Variants in TBCD observed in about 807,000 individuals in gnomAD.
TBCD encodes the protein tubulin-specific chaperone D.
Under a neutral mutation model 169.3 loss-of-function variants are expected in TBCD, and 105 were observed. The observed-to-expected ratio is 0.62, with a 90% CI of 0.53 to 0.73. The LOEUF (loss-of-function observed/expected upper bound fraction) is 0.73. Among genes scored for constraint, TBCD ranks in the 30% least tolerant of loss-of-function variants. The pLI, the probability that TBCD is intolerant of heterozygous loss-of-function variation, is 0.00. For synonymous variants in TBCD, 700 were observed against 643.9 expected, an observed-to-expected ratio of 1.09 and a Z score of -1.32; for missense variants, 1,444 against 1,600.1, an observed-to-expected ratio of 0.90 and a Z score of 1.66.
chr17:82,927,451 G>T lies in TBCD; in HGVS notation c.2609+128G>T, dbSNP rs2147267309. The T allele has an allele frequency of 3.8e-6, 5 of 1,326,044 alleles. No homozygotes were observed. In the East Asian group the frequency reaches 1.3e-4, roughly 33 times the overall value. The allele number at this position is 1,326,044 out of a possible 1,614,324, so 82.1% of individuals were successfully genotyped here. ...TTGTGCCGTGTTTTGCGTTTTAAAG[G>T]CTCTGGGGAAGATGACCTGTTCTCT... On this transcript the variant is annotated intron_variant, in intron 29 of 38. Coordinates refer to ENST00000355528, the MANE Select transcript of TBCD (RefSeq NM_005993.5).
rs1409975244 is a variant in TBCD, at chr17:82,915,775, G to A, written c.2038+3986G>A. On this transcript the variant is annotated intron_variant, in intron 23 of 38. Coordinates refer to ENST00000355528, the MANE Select transcript of TBCD (RefSeq NM_005993.5). This position sits in a 1 kb window ranked among gnomAD's most constrained non-coding sequence, Gnocchi z 4.3. ...TCAGGAAAAGTTCTCCTCTCATGCC[G>A]AAGACGGGAGGGAAACCAGAGGGAC... Among the ~76,000 whole-genome samples the A allele has an allele frequency of 3.9e-5, 6 of 152,168 alleles. No individual in the cohort carries two copies. Among genetic ancestry groups the A allele is most frequent in the African/African-American group, 1.4e-4 (6 of 41,438 alleles).
At chr17:82,939,914 C>T (rs1010354964) in intron 37 of TBCD, among the ~76,000 whole-genome samples, 1 of 152,232 alleles carries the variant, frequency 6.6e-6, no homozygotes, top group African/African-American at 2.4e-5. Flanking sequence ...GCTCTGATGT[C>T]CACCCCCTTC....
chr17:82,788,783 C>T (rs990296684), intron 7 of TBCD, among the ~76,000 whole-genome samples: 6 of 152,108 alleles, frequency 3.9e-5, no homozygotes, highest in Non-Finnish European at 7.3e-5. Context: ...TGTGCCCAGG[C>T]CCTTTGCTGA....
chr17:82,911,428 G>T (rs1018031350), intron 22 of TBCD, among the ~76,000 whole-genome samples: 115 of 151,960 alleles, frequency 7.6e-4, no homozygotes, highest in African/African-American at 2.6e-3. Flanking sequence ...CTGGATAGGG[G>T]GCTCTTTCTG....
At chr17:82,906,144 A>C in intron 20 of TBCD, 91 bp downstream of exon 20, 4 of 988,878 alleles carry the variant, frequency 4.0e-6, no homozygotes, top group African/African-American at 1.6e-5. Flanking sequence ...AGACTCTCTC[A>C]TCCCTTCTCA....
intron 9 of TBCD, among the ~76,000 whole-genome samples, chr17:82,804,190 C>T (rs908347043): frequency 6.0e-5 from 9 of 150,674 alleles, no homozygotes; most frequent in African/African-American, 1.7e-4. Context: ...TGTGCCTGCT[C>T]GTGGGGCATT....
In TBCD at chr17:82,920,646, ATT is replaced by A; in HGVS notation, c.2101+31_2101+32del. 1 of 1,517,170 alleles carries A rather than the reference ATT, an allele frequency of 6.6e-7. No homozygotes were observed. The highest frequency in any genetic ancestry group is 8.9e-7 in the Non-Finnish European group (1 of 1,124,958). 94.0% of individuals were successfully genotyped at this position (1,517,170 alleles called of 1,614,324 possible). ...AAGTGCTTTTGTTTTTAATAATAGC[ATT>A]TTCTTACAGAATGACTTCAGATTAA... On this transcript the variant is annotated intron_variant, in intron 24 of 38. Transcript: ENST00000355528. This position sits in a 1 kb window ranked among gnomAD's most constrained non-coding sequence, Gnocchi z 4.1.
intron 13 of TBCD, among the ~76,000 whole-genome samples, chr17:82,850,316 C>CGTTGGCTGTGCTGT (rs1567888557): frequency 1.2e-5 from 1 of 80,044 alleles, no homozygotes; most frequent in Admixed American, 1.5e-4. Context: ...TGCTCTTCTG[C>CGTTGGCTGTGCTGT]TGTTGGCTGT....
intron 25 of TBCD, 104 bp downstream of exon 25, chr17:82,921,681 C>CT: frequency 9.7e-7 from 1 of 1,026,150 alleles, no homozygotes; most frequent in Non-Finnish European, 1.5e-6. Context: ...GCTGTCCCTG[C>CT]AGTAGCCTGA....
In TBCD at chr17:82,831,200, C is replaced by G. The variant is rs765397272; in HGVS notation, c.1318+16266C>G. The stretch of plus-strand genomic sequence containing the variant: ...CAGGTCTGGCTCGTCTGCATGAAGT[C>G]GGTGGGGCTCGGCCTCCCTGGGGAG... On this transcript the variant is annotated intron_variant, in intron 13 of 38. Coordinates refer to ENST00000355528, the MANE Select transcript of TBCD (RefSeq NM_005993.5). This position sits in a 1 kb window ranked among gnomAD's most constrained non-coding sequence, Gnocchi z 4.6. 1.2e-6 allele frequency: 2 copies of G among 1,614,074 alleles called. No homozygotes were observed. Among genetic ancestry groups the G allele is most frequent in the Non-Finnish European group, 1.7e-6 (2 of 1,180,032 alleles).
intron 1 of TBCD, among the ~76,000 whole-genome samples, chr17:82,754,149 C>G (rs1410333995): frequency 6.6e-6 from 1 of 152,082 alleles, no homozygotes; most frequent in Non-Finnish European, 1.5e-5. Context: ...TGAGCCACCA[C>G]GCCCGGCTGG....
intron 21 of TBCD, chr17:82,908,412 T>C (rs1463003872): frequency 2.2e-6 from 1 of 456,586 alleles, no homozygotes. Flanking sequence ...CTTTGAGAGA[T>C]TCTCAAAGGC....
chr17:82,853,183 G>A (rs1187833006), intron 13 of TBCD, among the ~76,000 whole-genome samples: 1 of 150,608 alleles, frequency 6.6e-6, no homozygotes, highest in Non-Finnish European at 1.5e-5. Context: ...GGGCGCAAGT[G>A]ATCCTCTGAC....
At chr17:82,873,064 C>T (rs1436306574) in intron 14 of TBCD, among the ~76,000 whole-genome samples, 2 of 152,386 alleles carry the variant, frequency 1.3e-5, no homozygotes, top group African/African-American at 2.4e-5. Flanking sequence ...AGCGCTGCCT[C>T]GTGGCTGAGA....
chr17:82,786,519 C>T (rs1000329404), intron 7 of TBCD, among the ~76,000 whole-genome samples: 1 of 152,204 alleles, frequency 6.6e-6, no homozygotes, highest in African/African-American at 2.4e-5. Flanking sequence ...CTGGGAGCCT[C>T]CCCTCCTCTG....
Position 82,842,499 on chromosome 17 carries a change from G to A in TBCD, c.1318+27565G>A, listed in dbSNP as rs190436059. Among the ~76,000 whole-genome samples the A allele has an allele frequency of 2.0e-4, 31 of 152,172 alleles. No homozygotes were observed. The East Asian group carries it at 4.6e-3, about 23-fold the overall frequency. On this transcript the variant is annotated intron_variant, in intron 13 of 38. Transcript: ENST00000355528. ...TTCTGCCCCCATGTCTGCCTTCCCCGTCACCCAGGGGGTTTTGCCTGCCTC... is the reference window on the plus strand; with the variant it reads ...TTCTGCCCCCATGTCTGCCTTCCCCATCACCCAGGGGGTTTTGCCTGCCTC...
chr17:82,872,451 C>T (rs148291804), intron 14 of TBCD, among the ~76,000 whole-genome samples: 52 of 152,276 alleles, frequency 3.4e-4, no homozygotes, highest in Admixed American at 8.5e-4. Flanking sequence ...GCAGAGAAGA[C>T]GGAGAGGTCC....
At chr17:82,843,380 A>G (rs544041647) in intron 13 of TBCD, among the ~76,000 whole-genome samples, 23 of 106,862 alleles carry the variant, frequency 2.2e-4, no homozygotes, top group African/African-American at 8.9e-4. Context: ...CAGCTTACTT[A>G]TCATTCCCTT....
intron 34 of TBCD, among the ~76,000 whole-genome samples, chr17:82,936,572 T>C (rs1377104542): frequency 6.6e-6 from 1 of 152,228 alleles, no homozygotes; most frequent in Non-Finnish European, 1.5e-5. Flanking sequence ...GCCTGTGCTT[T>C]GGCAGGCAGG....
Sources: gnomAD v4.1 joint callset for allele counts (sites outside exome capture counted in the v4.1 genomes callset) on GRCh38, gnomAD v4.1.1 for gene constraint, Gnocchi (gnomAD v3.1) non-coding constraint, MANE v1.5 for transcripts, NCBI Gene and HGNC (gene_info 2026-07-23, HGNC 2026-07-21) for gene names.